PRMT8: variants seen among roughly 807,000 people sequenced by gnomAD.
PRMT8 encodes the protein protein arginine methyltransferase 8.
PRMT8 carries 7 observed loss-of-function variants against 47.1 expected under a neutral mutation model. That is an observed-to-expected ratio of 0.15 (90% CI 0.08 to 0.28). PRMT8 has a LOEUF of 0.28. Ranked by LOEUF, PRMT8 falls within the 10% of genes least tolerant of loss-of-function variation. The probability of loss-of-function intolerance (pLI) is 1.00; values close to 1 mark genes in which losing one functional copy is unlikely to be tolerated. For missense variants in PRMT8, 237 were observed against 505.4 expected (o/e 0.47, Z 5.09); for synonymous variants, 188 against 186.5 (o/e 1.01, Z -0.07).
intron 1 of PRMT8, among the ~76,000 whole-genome samples, chr12:3,470,568 T>G (rs1007008969): frequency 6.6e-6 from 1 of 151,932 alleles, no homozygotes; most frequent in Non-Finnish European, 1.5e-5. Flanking sequence ...TTCTGCCCAC[T>G]GGAGTTTGCT....
chr12:3,550,016 G>A lies in PRMT8; in HGVS notation c.342G>A (p.Val114=). The change falls in exon 3 of 10, where the codon GTG becomes GTA. Residue 114 remains valine (V), a synonymous_variant. Transcript: ENST00000382622. This position sits in a 1 kb window ranked among gnomAD's most constrained non-coding sequence, Gnocchi z 5.1. ...ACAAGCACGTGTTCAAGGACAAAGT[G>A]GTACTGGATGTGGGGAGTGGTACTG... The part of the protein sequence containing the change: ...YHNKHVFKDK[V]VLDVGSGTGI... 4 of 1,614,232 alleles carry A rather than the reference G, an allele frequency of 2.5e-6. No individual in the cohort carries two copies. Among genetic ancestry groups the A allele is most frequent in the Non-Finnish European group, 3.4e-6 (4 of 1,180,044 alleles).
rs938018462 is a variant in PRMT8 at position 3,583,575 on chromosome 12, C to T, written c.979+367C>T. 6.6e-6 allele frequency among the ~76,000 whole-genome samples: 1 copy of T among 152,198 alleles called. No homozygotes were observed. Among genetic ancestry groups the T allele is most frequent in the Non-Finnish European group, 1.5e-5 (1 of 68,030 alleles). ...GTTGAATAAGCCTAGTCTGCACTGC[C>T]ATGCCTCTGTGCAGGACACAGCCTG... On this transcript the variant is annotated intron_variant, in intron 8 of 9. Transcript: ENST00000382622. This position sits in a 1 kb window ranked among gnomAD's most constrained non-coding sequence, Gnocchi z 4.7.
chr12:3,522,817 G>C (rs925096092), intron 1 of PRMT8, among the ~76,000 whole-genome samples: 1 of 151,118 alleles, frequency 6.6e-6, no homozygotes, highest in African/African-American at 2.4e-5. Flanking sequence ...AAAAAAAACA[G>C]AAAAAAATGA....
intron 1 of PRMT8, among the ~76,000 whole-genome samples, chr12:3,532,112 A>G (rs1008433919): frequency 6.6e-6 from 1 of 151,868 alleles, no homozygotes; most frequent in Non-Finnish European, 1.5e-5. Flanking sequence ...AAACAGAAAC[A>G]CTGTTTGAAG....
chr12:3,408,391 C>T (rs919728799), intron 1 of PRMT8, among the ~76,000 whole-genome samples: 1 of 151,924 alleles, frequency 6.6e-6, no homozygotes. Context: ...TCAACAATAT[C>T]CTTGGCTAAA....
intron 1 of PRMT8, among the ~76,000 whole-genome samples, chr12:3,462,147 G>T (rs2137088880): frequency 6.6e-6 from 1 of 151,982 alleles, no homozygotes; most frequent in African/African-American, 2.4e-5. Context: ...TGCGGTATTT[G>T]GTTTTCTGTT....
chr12:3,498,365 G>A (rs192286168), intron 1 of PRMT8, among the ~76,000 whole-genome samples: 28 of 152,304 alleles, frequency 1.8e-4, no homozygotes, highest in Non-Finnish European at 2.8e-4. Context: ...AGAAAGGGTG[G>A]AGAAATTAAC....
At chr12:3,397,747 T>C (rs996557668) in intron 1 of PRMT8, among the ~76,000 whole-genome samples, 6 of 151,408 alleles carry the variant, frequency 4.0e-5, no homozygotes, top group Non-Finnish European at 5.9e-5. Context: ...CCCCAGTTCG[T>C]GCTTCCCGGC....
upstream of PRMT8, among the ~76,000 whole-genome samples, chr12:3,489,264 C>A (rs1321726573): frequency 6.6e-6 from 1 of 152,104 alleles, no homozygotes; most frequent in Non-Finnish European, 1.5e-5. Flanking sequence ...AACATAATCA[C>A]GCACAGGCAG....
At chr12:3,495,419 C>T (rs1392306402) in intron 1 of PRMT8, among the ~76,000 whole-genome samples, 2 of 152,216 alleles carry the variant, frequency 1.3e-5, no homozygotes, top group Non-Finnish European at 2.9e-5. Context: ...TCTGTGCATA[C>T]TCTTCCCTCT....
chr12:3,401,277 A>G (rs1486511581), intron 1 of PRMT8, among the ~76,000 whole-genome samples: 1 of 152,032 alleles, frequency 6.6e-6, no homozygotes, highest in African/African-American at 2.4e-5. Context: ...ATTCAACATC[A>G]CTTCATGTTA....
In PRMT8 at chr12:3,583,114, C is replaced by T. The variant is rs1867103484; in HGVS notation, c.885C>T (p.Cys295=). The change falls in exon 8 of 10, where the codon TGC becomes TGT. Residue 295 remains cysteine, a synonymous_variant. Coordinates refer to ENST00000382622, the MANE Select transcript of PRMT8 (RefSeq NM_019854.5). The surrounding 1 kb of genome is among the most constrained non-coding windows in gnomAD (Gnocchi z 4.7). ...TEELSFTSAF[C]LQIQRNDYVH... Reference sequence around the variant, plus strand: ...AGCTATCGTTCACATCTGCATTCTGCCTGCAGATACAGCGCAACGACTACG... The same window carrying T: ...AGCTATCGTTCACATCTGCATTCTGTCTGCAGATACAGCGCAACGACTACG... The T allele has an allele frequency of 6.2e-7, 1 of 1,613,872 alleles. No individual in the cohort carries two copies. Among genetic ancestry groups the T allele is most frequent in the African/African-American group, 1.3e-5 (1 of 74,894 alleles).
chr12:3,467,157 A>G (rs1007933513), intron 1 of PRMT8, among the ~76,000 whole-genome samples: 1 of 141,604 alleles, frequency 7.1e-6, no homozygotes, highest in Non-Finnish European at 1.5e-5. Flanking sequence ...GGAGAATGGC[A>G]TGAACCTGGG....
At chr12:3,477,283 C>T (rs986990130) in intron 1 of PRMT8, among the ~76,000 whole-genome samples, 6 of 152,236 alleles carry the variant, frequency 3.9e-5, no homozygotes, top group South Asian at 2.1e-4. Flanking sequence ...ATTCACTTAA[C>T]GAGTGTGTAG....
In PRMT8 at chr12:3,492,722, GC is replaced by G. The variant is rs1313978152; in HGVS notation, c.75+1027del. ...GTCACGAAGGGGATCAGCGTGGGCA[GC>G]CCCCTTACCTTCCTGGAGAAACGGT... On this transcript the variant is annotated intron_variant, in intron 1 of 9. Transcript: ENST00000382622. The surrounding 1 kb of genome is among the most constrained non-coding windows in gnomAD (Gnocchi z 7.5). 6.6e-6 allele frequency among the ~76,000 whole-genome samples: 1 copy of G among 152,168 alleles called. No individual in the cohort carries two copies. The highest frequency in any genetic ancestry group is 2.4e-5 in the African/African-American group (1 of 41,444).
intron 1 of PRMT8, among the ~76,000 whole-genome samples, chr12:3,536,545 A>G (rs1315709129): frequency 1.3e-5 from 2 of 152,178 alleles, no homozygotes; most frequent in Non-Finnish European, 2.9e-5. Flanking sequence ...CAGGCCAGCT[A>G]GGACTTTTTC....
chr12:3,482,699 A>G (rs1865285965), intron 1 of PRMT8, among the ~76,000 whole-genome samples: 1 of 152,220 alleles, frequency 6.6e-6, no homozygotes, highest in Non-Finnish European at 1.5e-5. Flanking sequence ...TTACACTTGT[A>G]TGTGTGCCTG....
chr12:3,573,689 G>A (rs1176484801), intron 6 of PRMT8, among the ~76,000 whole-genome samples: 1 of 152,068 alleles, frequency 6.6e-6, no homozygotes, highest in African/African-American at 2.4e-5. Flanking sequence ...GTAGATTTGG[G>A]CTTTGTTGTT....
chr12:3,454,085 G>A (rs1158016409), intron 1 of PRMT8, among the ~76,000 whole-genome samples: 1 of 152,146 alleles, frequency 6.6e-6, no homozygotes. Context: ...GGGCTCAAAG[G>A]GGCCTGGGGC....
Sources: gnomAD v4.1 joint callset for allele counts (sites outside exome capture counted in the v4.1 genomes callset) on GRCh38, gnomAD v4.1.1 for gene constraint, Gnocchi (gnomAD v3.1) non-coding constraint, MANE v1.5 for transcripts, NCBI Gene and HGNC (gene_info 2026-07-23, HGNC 2026-07-21) for gene names.